The following TRPC4AP variants were observed in gnomAD, a reference collection of about 807,000 sequenced individuals.
The protein encoded by TRPC4AP is short transient receptor potential channel 4-associated protein.
A neutral mutation model predicts 99.0 loss-of-function variants in TRPC4AP; 45 were observed. The observed-to-expected ratio is 0.45, with a 90% confidence interval of 0.36 to 0.58. The LOEUF (loss-of-function observed/expected upper bound fraction) is 0.58. TRPC4AP is among the 20% of genes least tolerant of loss of function. The pLI, the probability that TRPC4AP is intolerant of heterozygous loss-of-function variation, is 0.00. For synonymous variants in TRPC4AP, 408 were observed against 385.8 expected (o/e 1.06, Z -0.67); for missense variants, 879 against 985.3 (o/e 0.89, Z 1.44).
At chr20:35,032,986 T>C (rs369485330) in intron 8 of TRPC4AP, among the ~76,000 whole-genome samples, 226 of 152,212 alleles carry the variant, frequency 1.5e-3, no homozygotes, top group Non-Finnish European at 2.2e-3. Flanking sequence ...GTGGATTGCC[T>C]GAGCTCAGGA....
chr20:35,008,589 G>T, intron 13 of TRPC4AP, 75 bp downstream of exon 13: 1 of 1,303,840 alleles, frequency 7.7e-7, no homozygotes, highest in Non-Finnish European at 1.1e-6. Flanking sequence ...GACTAAAGGA[G>T]GTATTCCTAA....
chr20:35,056,914 A>T (rs1299098439), intron 4 of TRPC4AP, among the ~76,000 whole-genome samples: 2 of 141,312 alleles, frequency 1.4e-5, no homozygotes, highest in African/African-American at 5.3e-5. Flanking sequence ...TGAGCTCAGG[A>T]GGCGGAGGTT....
At chr20:35,025,038 T>C (rs1417964267) in intron 8 of TRPC4AP, among the ~76,000 whole-genome samples, 1 of 152,208 alleles carries the variant, frequency 6.6e-6, no homozygotes, top group Admixed American at 6.5e-5. Flanking sequence ...GTTAACCCTT[T>C]GAGGAACTGC....
chr20:35,076,498 T>A (rs1262616296), intron 2 of TRPC4AP, among the ~76,000 whole-genome samples: 1 of 152,252 alleles, frequency 6.6e-6, no homozygotes, highest in East Asian at 1.9e-4. Flanking sequence ...GACCCTCAGC[T>A]GCAGGTCTGT....
chr20:35,048,012 TACAC>T (rs569100359), intron 6 of TRPC4AP, among the ~76,000 whole-genome samples: 2 of 152,258 alleles, frequency 1.3e-5, no homozygotes, highest in Non-Finnish European at 1.5e-5. Context: ...TTTCCACTGA[TACAC>T]ACACTCACCA....
chr20:35,057,735 C>G (rs1282147908), intron 3 of TRPC4AP, among the ~76,000 whole-genome samples, 164 bp from the exon 4 acceptor site: 1 of 152,154 alleles, frequency 6.6e-6, no homozygotes, highest in African/African-American at 2.4e-5. Flanking sequence ...TGCAGCAAGT[C>G]AGGAGACCCA....
chr20:35,009,638 G>A (rs2082588354), intron 12 of TRPC4AP, among the ~76,000 whole-genome samples: 1 of 152,198 alleles, frequency 6.6e-6, no homozygotes, highest in Non-Finnish European at 1.5e-5. Context: ...GCAAGACCTT[G>A]TGTCTAAAAA....
At chr20:35,045,647 T>C (rs1043422874) in intron 6 of TRPC4AP, among the ~76,000 whole-genome samples, 2 of 152,162 alleles carry the variant, frequency 1.3e-5, no homozygotes, top group Admixed American at 1.3e-4. Context: ...CAAGTGATTC[T>C]CCTGCCTCAG....
chr20:35,040,091 G>A (rs529261619), intron 7 of TRPC4AP, among the ~76,000 whole-genome samples: 9 of 148,742 alleles, frequency 6.1e-5, no homozygotes, highest in Admixed American at 4.7e-4. Flanking sequence ...CACCCCCCGC[G>A]CCCCCACAAA....
chr20:35,041,094 A>G (rs1321892706), intron 7 of TRPC4AP, among the ~76,000 whole-genome samples: 1 of 151,356 alleles, frequency 6.6e-6, no homozygotes, highest in Non-Finnish European at 1.5e-5. Context: ...CAATCCTGAC[A>G]GCACCTTGAT....
At chr20:35,031,177 T>C (rs922948023) in intron 8 of TRPC4AP, among the ~76,000 whole-genome samples, 2 of 152,168 alleles carry the variant, frequency 1.3e-5, no homozygotes, top group Non-Finnish European at 2.9e-5. Context: ...TGGAATATCC[T>C]TGGGCATGAT....
At chr20:35,056,576 C>A (rs2083831255) in intron 4 of TRPC4AP, among the ~76,000 whole-genome samples, 2 of 151,982 alleles carry the variant, frequency 1.3e-5, no homozygotes, top group Non-Finnish European at 2.9e-5. Flanking sequence ...AAAAAAAAAT[C>A]TTTTAAATTA....
At chr20:35,058,352 T>C (rs2083893788) in intron 3 of TRPC4AP, among the ~76,000 whole-genome samples, 1 of 152,212 alleles carries the variant, frequency 6.6e-6, no homozygotes, top group Admixed American at 6.5e-5. Flanking sequence ...GAACAGAGTA[T>C]ACATTCTACT....
intron 4 of TRPC4AP, among the ~76,000 whole-genome samples, chr20:35,056,505 C>T (rs1199871977): frequency 2.4e-4 from 14 of 59,416 alleles, no homozygotes; most frequent in Non-Finnish European, 2.8e-4. Flanking sequence ...AATATAAATC[C>T]TCTTAATAAC....
At chr20:35,021,814 T>A (rs1555904193) in intron 8 of TRPC4AP, among the ~76,000 whole-genome samples, 1 of 152,178 alleles carries the variant, frequency 6.6e-6, no homozygotes, top group Non-Finnish European at 1.5e-5. Context: ...TTTGAAGAAT[T>A]CCCCGTTTTT....
chr20:35,013,941 C>T (rs536582996), intron 10 of TRPC4AP, among the ~76,000 whole-genome samples: 5 of 152,290 alleles, frequency 3.3e-5, no homozygotes, highest in South Asian at 2.1e-4. Flanking sequence ...TGGGCTCATA[C>T]GACTGGGGCA....
At chr20:35,083,609 C>CAA (rs879777905) in intron 1 of TRPC4AP, among the ~76,000 whole-genome samples, 1 of 109,436 alleles carries the variant, frequency 9.1e-6, no homozygotes. Flanking sequence ...GACTCCATCT[C>CAA]AAAAAAAAAA....
chr20:35,006,401 C>T (rs1355600304), intron 15 of TRPC4AP, 34 bp downstream of exon 15: 1 of 1,610,300 alleles, frequency 6.2e-7, no homozygotes. Flanking sequence ...CTGGACAACC[C>T]AGCACACTCC....
At chr20:35,057,974 G>T (rs964056191) in intron 3 of TRPC4AP, among the ~76,000 whole-genome samples, 1 of 152,096 alleles carries the variant, frequency 6.6e-6, no homozygotes, top group Non-Finnish European at 1.5e-5. Flanking sequence ...ATTTCTACAG[G>T]TTTGGGGGTT....
Sources: gnomAD v4.1 joint callset for allele counts (sites outside exome capture counted in the v4.1 genomes callset) on GRCh38, gnomAD v4.1.1 for gene constraint, MANE v1.5 for transcripts, NCBI Gene and HGNC (gene_info 2026-07-23, HGNC 2026-07-21) for gene names.